The following PTPRT variants were observed in gnomAD, a reference collection of about 807,000 sequenced individuals.
PTPRT encodes receptor-type tyrosine-protein phosphatase T.
A neutral mutation model predicts 176.8 loss-of-function variants in PTPRT; 56 were observed. The ratio of observed to expected loss-of-function variants is 0.32; its 90% CI spans 0.26 to 0.40. PTPRT has a LOEUF of 0.40. Ranked by LOEUF, PTPRT falls within the 10% of genes least tolerant of loss-of-function variation. The probability of loss-of-function intolerance (pLI) is 1.00; values close to 1 mark genes in which losing one functional copy is unlikely to be tolerated. For missense variants in PTPRT, 1,540 were observed against 1,908.2 expected (o/e 0.81, Z 3.60); for synonymous variants, 783 against 739.0 (o/e 1.06, Z -0.96).
chr20:42,162,516 T>C (rs1398294549), intron 16 of PTPRT, among the ~76,000 whole-genome samples: 2 of 152,196 alleles, frequency 1.3e-5, no homozygotes, highest in Non-Finnish European at 2.9e-5. Flanking sequence ...ACATTCTTGA[T>C]CTCTCAGGGC....
At chr20:42,578,951 A>G (rs1245217249) in intron 7 of PTPRT, among the ~76,000 whole-genome samples, 1 of 147,128 alleles carries the variant, frequency 6.8e-6, no homozygotes, top group Non-Finnish European at 1.5e-5. Context: ...GTACATGTGC[A>G]CAATGTGCAC....
At chr20:42,318,445 G>T (rs927800077) in intron 11 of PTPRT, among the ~76,000 whole-genome samples, 26 of 152,248 alleles carry the variant, frequency 1.7e-4, no homozygotes, top group African/African-American at 6.3e-4. Flanking sequence ...ATAGTAGCTC[G>T]ACCAGTTGAG....
At chr20:42,126,583 T>C (rs1987866803) in intron 19 of PTPRT, among the ~76,000 whole-genome samples, 1 of 152,148 alleles carries the variant, frequency 6.6e-6, no homozygotes, top group African/African-American at 2.4e-5. Flanking sequence ...AGACATCACC[T>C]CCTCCAGGGA....
chr20:42,596,937 G>A lies in PTPRT; in HGVS notation c.1153+80929C>T, dbSNP rs529799222. 2.0e-5 allele frequency among the ~76,000 whole-genome samples: 3 copies of A among 152,258 alleles called. No homozygotes were observed. In the South Asian group the frequency reaches 6.2e-4, roughly 32 times the overall value. ...TCCTACATTGTGTTTGTTTTCTACT[G>A]CTACATAACAAATAACTATAAATTT... On this transcript the variant is annotated intron_variant, in intron 7 of 30. Coordinates refer to ENST00000373187, the MANE Select transcript of PTPRT (RefSeq NM_007050.6).
chr20:42,101,769 G>A (rs1242518038), intron 26 of PTPRT, among the ~76,000 whole-genome samples: 3 of 152,224 alleles, frequency 2.0e-5, no homozygotes, highest in Non-Finnish European at 2.9e-5. Flanking sequence ...CTCAGGCCAA[G>A]GCCCAGCACA....
chr20:42,222,055 C>A (rs1306669830), intron 15 of PTPRT, among the ~76,000 whole-genome samples: 1 of 152,144 alleles, frequency 6.6e-6, no homozygotes, highest in Non-Finnish European at 1.5e-5. Flanking sequence ...GCTTTGGACC[C>A]TTTCATTGCA....
intron 15 of PTPRT, among the ~76,000 whole-genome samples, chr20:42,205,499 G>A (rs1182167311): frequency 6.6e-6 from 1 of 152,162 alleles, no homozygotes; most frequent in Admixed American, 6.5e-5. Flanking sequence ...AGTTCAAGTA[G>A]AGACTGGGAA....
chr20:42,240,838 T>A (rs1424069224), intron 14 of PTPRT, among the ~76,000 whole-genome samples: 1 of 152,196 alleles, frequency 6.6e-6, no homozygotes, highest in Non-Finnish European at 1.5e-5. Flanking sequence ...GAAAGACATA[T>A]GAGATCCTAA....
chr20:42,897,552 A>G (rs1469367525), intron 1 of PTPRT, among the ~76,000 whole-genome samples: 2 of 152,226 alleles, frequency 1.3e-5, no homozygotes, highest in East Asian at 1.9e-4. Context: ...TGATGCCTTC[A>G]TGCCCTTTTG....
intron 2 of PTPRT, among the ~76,000 whole-genome samples, chr20:42,826,702 A>G (rs1191659268): frequency 6.6e-6 from 1 of 152,218 alleles, no homozygotes; most frequent in Non-Finnish European, 1.5e-5. Context: ...ATTCACACAT[A>G]TCAGTATTAA....
intron 9 of PTPRT, among the ~76,000 whole-genome samples, chr20:42,404,143 T>C (rs1161085956): frequency 6.6e-6 from 1 of 152,154 alleles, no homozygotes; most frequent in Non-Finnish European, 1.5e-5. Flanking sequence ...GGGCACACAG[T>C]TGGACAAAGC....
chr20:42,657,574 G>C (rs568073441), intron 7 of PTPRT, among the ~76,000 whole-genome samples: 1 of 152,000 alleles, frequency 6.6e-6, no homozygotes, highest in Non-Finnish European at 1.5e-5. Context: ...TTTGTGGGGG[G>C]GAAAAATCTG....
intron 1 of PTPRT, among the ~76,000 whole-genome samples, chr20:43,077,578 G>A (rs1051342398): frequency 6.6e-6 from 1 of 152,134 alleles, no homozygotes; most frequent in African/African-American, 2.4e-5. Flanking sequence ...GCTTTCAGAG[G>A]GTTCAGAAGA....
intron 1 of PTPRT, among the ~76,000 whole-genome samples, chr20:43,138,994 G>A (rs1442455134): frequency 2.6e-5 from 4 of 152,184 alleles, no homozygotes; most frequent in Admixed American, 2.0e-4. Context: ...AGATATTCAA[G>A]TTCCTTCCAC....
At chr20:42,578,906 G>T (rs1240617021) in intron 7 of PTPRT, among the ~76,000 whole-genome samples, 6 of 150,402 alleles carry the variant, frequency 4.0e-5, no homozygotes, top group Non-Finnish European at 4.4e-5. Flanking sequence ...TTTTTTTGGG[G>T]GGGGGTCGGT....
At chr20:42,822,190 G>A (rs2077906857) in intron 2 of PTPRT, among the ~76,000 whole-genome samples, 1 of 152,272 alleles carries the variant, frequency 6.6e-6, no homozygotes, top group African/African-American at 2.4e-5. Flanking sequence ...CATGGTACCT[G>A]TACCAAAACA....
intron 1 of PTPRT, among the ~76,000 whole-genome samples, chr20:42,958,456 AG>A (rs1339978638): frequency 6.3e-5 from 4 of 63,306 alleles, no homozygotes; most frequent in East Asian, 5.4e-4. Flanking sequence ...GGAGGAAAGG[AG>A]GGGGGAGGGG....
intron 11 of PTPRT, among the ~76,000 whole-genome samples, chr20:42,335,625 A>G (rs2058029037): frequency 6.6e-6 from 1 of 152,214 alleles, no homozygotes; most frequent in Admixed American, 6.5e-5. Context: ...TGACTGCCAA[A>G]ATTATAAACA....
intron 6 of PTPRT, among the ~76,000 whole-genome samples, chr20:42,686,489 T>C (rs1482844737): frequency 4.9e-5 from 3 of 60,994 alleles, no homozygotes; most frequent in Non-Finnish European, 8.4e-5. Flanking sequence ...TTTTTTTTTT[T>C]TTTTTTTTTT....
Sources: gnomAD v4.1 joint callset for allele counts (sites outside exome capture counted in the v4.1 genomes callset) on GRCh38, gnomAD v4.1.1 for gene constraint, MANE v1.5 for transcripts, NCBI Gene and HGNC (gene_info 2026-07-23, HGNC 2026-07-21) for gene names.